Variants in GPC6 observed in about 807,000 individuals in gnomAD.
The protein encoded by GPC6 is glypican-6.
In GPC6, 14 loss-of-function variants were observed where a neutral mutation model predicts 55.2. That is an observed-to-expected ratio of 0.25 (90% CI 0.17 to 0.40). The LOEUF (loss-of-function observed/expected upper bound fraction) is 0.40, where lower values mean the gene tolerates loss of function less well. Ranked by LOEUF, GPC6 falls within the 10% of genes least tolerant of loss-of-function variation. The pLI, the probability that GPC6 is intolerant of heterozygous loss-of-function variation, is 1.00. For missense variants in GPC6, 641 were observed against 708.5 expected (o/e 0.90, Z 1.08); for synonymous variants, 278 against 259.6 (o/e 1.07, Z -0.68).
intron 1 of GPC6, among the ~76,000 whole-genome samples, chr13:93,242,616 C>T (rs1876471220): frequency 6.6e-6 from 1 of 152,176 alleles, no homozygotes; most frequent in Non-Finnish European, 1.5e-5. Flanking sequence ...ACTGGGGCTG[C>T]TCGACCGCTG....
chr13:94,313,563 G>A lies in GPC6; in HGVS notation c.1152+7440G>A, dbSNP rs554086082. Reference sequence around the variant, plus strand: ...GGAAGAGTACACTCACTCTGGCTACGTAACTCCCTGGGAGATACTAAAGCC... The same window carrying A: ...GGAAGAGTACACTCACTCTGGCTACATAACTCCCTGGGAGATACTAAAGCC... On this transcript the variant is annotated intron_variant, in intron 6 of 8. Coordinates refer to ENST00000377047, the MANE Select transcript of GPC6 (RefSeq NM_005708.5). Among the ~76,000 whole-genome samples the A allele has an allele frequency of 2.2e-4, 34 of 152,282 alleles. No homozygotes were observed. The South Asian group carries it at 5.2e-3, about 23-fold the overall frequency.
intron 4 of GPC6, among the ~76,000 whole-genome samples, chr13:94,100,592 G>A (rs1025455747): frequency 6.6e-6 from 1 of 152,168 alleles, no homozygotes; most frequent in East Asian, 1.9e-4. Flanking sequence ...TCAGTGTTTG[G>A]ATGGTCACCT....
At chr13:94,130,912 GT>G (rs1886981042) in intron 4 of GPC6, among the ~76,000 whole-genome samples, 1 of 152,032 alleles carries the variant, frequency 6.6e-6, no homozygotes, top group Non-Finnish European at 1.5e-5. Context: ...TAATTTGTTT[GT>G]TTTTGCAGCT....
intron 2 of GPC6, among the ~76,000 whole-genome samples, chr13:93,722,126 G>C (rs192474296): frequency 6.6e-6 from 1 of 151,476 alleles, no homozygotes; most frequent in East Asian, 2.0e-4. Context: ...TAGTAAATAT[G>C]CAAAAAAGGA....
intron 6 of GPC6, among the ~76,000 whole-genome samples, chr13:94,363,204 G>T (rs1233498686): frequency 1.3e-5 from 2 of 152,074 alleles, no homozygotes; most frequent in African/African-American, 4.8e-5. Flanking sequence ...TCATCAAACT[G>T]ATGATATATG....
intron 2 of GPC6, among the ~76,000 whole-genome samples, chr13:93,645,115 C>A (rs905352679): frequency 2.6e-5 from 4 of 152,096 alleles, no homozygotes; most frequent in African/African-American, 4.8e-5. Context: ...AAGGGCATAG[C>A]CCCAGGGCCT....
chr13:94,217,449 T>C (rs1890258402), intron 4 of GPC6, among the ~76,000 whole-genome samples: 1 of 152,160 alleles, frequency 6.6e-6, no homozygotes. Context: ...TAAATGGGAA[T>C]CTATATGCTA....
At chr13:93,581,039 A>G (rs773726570) in intron 2 of GPC6, among the ~76,000 whole-genome samples, 1 of 152,176 alleles carries the variant, frequency 6.6e-6, no homozygotes. Flanking sequence ...GAGCCATTAT[A>G]ATTGCTTTTT....
chr13:94,283,344 T>C (rs1167469962), intron 4 of GPC6, among the ~76,000 whole-genome samples: 1 of 152,210 alleles, frequency 6.6e-6, no homozygotes, highest in Non-Finnish European at 1.5e-5. Context: ...ATTAAGAAAA[T>C]AGGACTTTGT....
At chr13:94,254,967 GA>G (rs1891461322) in intron 4 of GPC6, among the ~76,000 whole-genome samples, 1 of 152,122 alleles carries the variant, frequency 6.6e-6, no homozygotes, top group African/African-American at 2.4e-5. Flanking sequence ...GAAAGCATTT[GA>G]AACAAAGAGA....
intron 4 of GPC6, among the ~76,000 whole-genome samples, chr13:94,080,941 A>G (rs748149358): frequency 3.9e-4 from 60 of 152,328 alleles, no homozygotes; most frequent in Middle Eastern, 6.8e-3. Context: ...TAGCTCATCA[A>G]TGCCAAAGAT....
intron 2 of GPC6, among the ~76,000 whole-genome samples, chr13:93,593,822 G>A (rs1016509853): frequency 6.6e-6 from 1 of 152,038 alleles, no homozygotes; most frequent in African/African-American, 2.4e-5. Flanking sequence ...TATATTACAT[G>A]TATGCAGTGG....
At chr13:93,573,489 T>G (rs2139477980) in intron 2 of GPC6, among the ~76,000 whole-genome samples, 1 of 151,618 alleles carries the variant, frequency 6.6e-6, no homozygotes, top group South Asian at 2.1e-4. Context: ...AAAAAAAAAG[T>G]TTAAATTTTA....
At chr13:93,476,319 C>T (rs915411245) in intron 1 of GPC6, among the ~76,000 whole-genome samples, 5 of 151,742 alleles carry the variant, frequency 3.3e-5, no homozygotes, top group East Asian at 1.9e-4. Flanking sequence ...TGTGCATGCG[C>T]GCAACTAAAT....
intron 7 of GPC6, among the ~76,000 whole-genome samples, chr13:94,385,181 A>C (rs1028246294): frequency 1.3e-5 from 2 of 151,996 alleles, no homozygotes; most frequent in Non-Finnish European, 2.9e-5. Context: ...AGGAGGTTGC[A>C]GTGAGCCAAG....
At chr13:93,923,638 C>G (rs74109129) in intron 3 of GPC6, among the ~76,000 whole-genome samples, 4,975 of 152,212 alleles carry the variant, frequency 0.033, 86 homozygotes, top group Middle Eastern at 0.058. Flanking sequence ...GTATAACTTA[C>G]CCAAAGAAAC....
chr13:93,719,817 C>G (rs575104768), intron 2 of GPC6, among the ~76,000 whole-genome samples: 1 of 152,030 alleles, frequency 6.6e-6, no homozygotes, highest in East Asian at 1.9e-4. Flanking sequence ...TTATGAAGGC[C>G]TTTTCTGCAT....
intron 4 of GPC6, among the ~76,000 whole-genome samples, chr13:94,263,678 C>T (rs1226405103): frequency 6.6e-6 from 1 of 152,212 alleles, no homozygotes; most frequent in Non-Finnish European, 1.5e-5. Context: ...TCCCAGGTTA[C>T]TATTGAAGAG....
intron 1 of GPC6, among the ~76,000 whole-genome samples, chr13:93,456,950 T>C (rs1878477009): frequency 6.6e-6 from 1 of 152,168 alleles, no homozygotes; most frequent in Non-Finnish European, 1.5e-5. Context: ...ATCATGGCAG[T>C]GGTTTCCCCC....
Sources: allele counts gnomAD v4.1 joint callset (sites outside exome capture counted in the v4.1 genomes callset), GRCh38; gene constraint gnomAD v4.1.1; transcripts MANE v1.5; gene names NCBI Gene and HGNC (gene_info 2026-07-23, HGNC 2026-07-21).